Variants in CELF4 observed in about 807,000 individuals in gnomAD.
The protein encoded by CELF4 is CUG-BP- and ETR-3-like factor 4.
A neutral mutation model predicts 59.9 loss-of-function variants in CELF4; 18 were observed. The observed-to-expected ratio is 0.30, with a 90% CI of 0.21 to 0.45. The LOEUF (loss-of-function observed/expected upper bound fraction) is 0.45, where lower values mean the gene tolerates loss of function less well. CELF4 is among the 20% of genes least tolerant of loss of function. The pLI is 1.00. For synonymous variants in CELF4, 261 were observed against 267.1 expected, an observed-to-expected ratio of 0.98 and a Z score of 0.22; for missense variants, 456 against 689.0, an observed-to-expected ratio of 0.66 and a Z score of 3.79.
chr18:37,309,196 G>A (rs1047661900), intron 3 of CELF4, among the ~76,000 whole-genome samples: 4 of 152,190 alleles, frequency 2.6e-5, no homozygotes, highest in Non-Finnish European at 5.9e-5. Flanking sequence ...CTTCCTCTAG[G>A]TGTCAGCACC....
At chr18:37,448,320 G>C (rs943174668) in intron 2 of CELF4, among the ~76,000 whole-genome samples, 4 of 152,228 alleles carry the variant, frequency 2.6e-5, no homozygotes, top group Non-Finnish European at 5.9e-5. Context: ...GGTGCTGGCA[G>C]AGGACAGAGG....
At chr18:37,408,091 A>G (rs1325315237) in intron 2 of CELF4, among the ~76,000 whole-genome samples, 1 of 152,194 alleles carries the variant, frequency 6.6e-6, no homozygotes, top group Admixed American at 6.5e-5. Context: ...GGAATTTGGA[A>G]TAGCTCTGAA....
At chr18:37,375,994 G>A (rs183902652) in intron 2 of CELF4, among the ~76,000 whole-genome samples, 2 of 152,262 alleles carry the variant, frequency 1.3e-5, no homozygotes, top group East Asian at 1.9e-4. Context: ...TTATCCTAAC[G>A]ATGTGACCCG....
chr18:37,432,901 C>T (rs897367319), intron 2 of CELF4, among the ~76,000 whole-genome samples: 2 of 152,190 alleles, frequency 1.3e-5, no homozygotes, highest in Admixed American at 6.5e-5. Flanking sequence ...CTTTCTATTT[C>T]ATGCTCTTTT....
intron 2 of CELF4, chr18:37,473,239 G>T (rs562711796): frequency 6.6e-6 from 1 of 152,416 alleles, no homozygotes; most frequent in African/African-American, 2.4e-5. Context: ...CTTTACAAAA[G>T]AGGTCCTGCT....
At chr18:37,380,929 C>T (rs1229606482) in intron 2 of CELF4, among the ~76,000 whole-genome samples, 2 of 151,250 alleles carry the variant, frequency 1.3e-5, no homozygotes, top group Admixed American at 1.3e-4. Context: ...TCCATTCATC[C>T]ATGAATTCCT....
intron 3 of CELF4, among the ~76,000 whole-genome samples, chr18:37,278,761 A>C (rs2093727175): frequency 1.3e-5 from 2 of 152,130 alleles, no homozygotes; most frequent in Admixed American, 6.5e-5. Context: ...AGAGGGTGAG[A>C]GGAGAAGTCA....
At chr18:37,391,090 G>A (rs1261693349) in intron 2 of CELF4, among the ~76,000 whole-genome samples, 3 of 152,126 alleles carry the variant, frequency 2.0e-5, no homozygotes, top group Non-Finnish European at 4.4e-5. Context: ...CACCAGACAG[G>A]AGACGTAGGG....
chr18:37,318,815 T>C (rs1046029457), intron 3 of CELF4, among the ~76,000 whole-genome samples: 2 of 152,108 alleles, frequency 1.3e-5, no homozygotes, highest in African/African-American at 4.8e-5. Flanking sequence ...CAGCACGGCC[T>C]TGCTGGGCAG....
chr18:37,319,906 G>GT (rs1170873273), intron 3 of CELF4, among the ~76,000 whole-genome samples: 2 of 152,204 alleles, frequency 1.3e-5, no homozygotes, highest in Admixed American at 6.5e-5. Flanking sequence ...TGGCTGGGAG[G>GT]TGGAGGGCAG....
At chr18:37,270,628 G>C in intron 8 of CELF4, 140 bp downstream of exon 8, 1 of 1,010,722 alleles carries the variant, frequency 9.9e-7, no homozygotes, top group Non-Finnish European at 1.5e-6. Flanking sequence ...TGGGAGGCTG[G>C]CCCTCTCTGA....
chr18:37,252,954 A>C (rs2066475425), intron 12 of CELF4, among the ~76,000 whole-genome samples: 1 of 151,998 alleles, frequency 6.6e-6, no homozygotes, highest in Admixed American at 6.5e-5. Flanking sequence ...AGGCTGCAAG[A>C]GCCACAGCAC....
intron 3 of CELF4, among the ~76,000 whole-genome samples, chr18:37,279,106 A>G (rs777408492): frequency 5.3e-5 from 8 of 152,186 alleles, no homozygotes; most frequent in Non-Finnish European, 8.8e-5. Flanking sequence ...CAGCTGCCTA[A>G]GCTGGGACCC....
chr18:37,487,347 G>A (rs1471130849), intron 1 of CELF4, among the ~76,000 whole-genome samples: 1 of 152,158 alleles, frequency 6.6e-6, no homozygotes, highest in Non-Finnish European at 1.5e-5. Context: ...GAAAAGCCTG[G>A]GAGACAGAAA....
At chr18:37,431,982 A>C (rs1355456273) in intron 2 of CELF4, among the ~76,000 whole-genome samples, 2 of 152,160 alleles carry the variant, frequency 1.3e-5, no homozygotes, top group Non-Finnish European at 2.9e-5. Context: ...CCCACCTTGA[A>C]CACTTAATTT....
At chr18:37,407,707 T>C (rs1181511759) in intron 2 of CELF4, among the ~76,000 whole-genome samples, 2 of 152,062 alleles carry the variant, frequency 1.3e-5, no homozygotes, top group Admixed American at 1.3e-4. Context: ...GCCTGCAGTC[T>C]GGTTTAATAT....
intron 2 of CELF4, among the ~76,000 whole-genome samples, chr18:37,448,642 T>C (rs765472721): frequency 2.0e-5 from 3 of 152,192 alleles, no homozygotes; most frequent in Non-Finnish European, 4.4e-5. Context: ...GGAACTGCCG[T>C]GAGCTGCTCT....
intron 2 of CELF4, among the ~76,000 whole-genome samples, chr18:37,373,051 G>A (rs1487660012): frequency 6.6e-6 from 1 of 152,300 alleles, no homozygotes; most frequent in Non-Finnish European, 1.5e-5. Flanking sequence ...CAACAAGCCA[G>A]GAAGACATGC....
intron 2 of CELF4, among the ~76,000 whole-genome samples, chr18:37,442,332 A>G (rs1327750035): frequency 1.3e-5 from 2 of 152,226 alleles, no homozygotes; most frequent in Non-Finnish European, 2.9e-5. Context: ...TCCACACTCA[A>G]TACGCACCAA....
Sources: gnomAD v4.1 joint callset for allele counts (sites outside exome capture counted in the v4.1 genomes callset) on GRCh38, gnomAD v4.1.1 for gene constraint, MANE v1.5 for transcripts, NCBI Gene and HGNC (gene_info 2026-07-23, HGNC 2026-07-21) for gene names.